The following PIK3R6 variants were observed in gnomAD, a reference collection of about 807,000 sequenced individuals.
The protein encoded by PIK3R6 is phosphoinositide-3-kinase regulatory subunit 6.
Under a neutral mutation model 84.9 loss-of-function variants are expected in PIK3R6, and 91 were observed. The observed-to-expected ratio is 1.07, with a 90% confidence interval of 0.90 to 1.28. The LOEUF is 1.28. Among genes scored for constraint, PIK3R6 ranks in the 50% most tolerant of loss-of-function variants. The pLI is 0.00. For synonymous variants in PIK3R6, 416 were observed against 411.4 expected, an observed-to-expected ratio of 1.01 and a Z score of -0.13; for missense variants, 996 against 985.1, an observed-to-expected ratio of 1.01 and a Z score of -0.15.
At chr17:8,864,606 C>G (rs906649119) in intron 1 of PIK3R6, among the ~76,000 whole-genome samples, 2 of 134,446 alleles carry the variant, frequency 1.5e-5, no homozygotes, top group South Asian at 4.8e-4. Flanking sequence ...GGCGCAATCT[C>G]GTCTCACTGC....
At chr17:8,829,124 T>C (rs2088068064) in intron 10 of PIK3R6, 134 bp from the exon 11 acceptor site, 5 of 851,444 alleles carry the variant, frequency 5.9e-6, no homozygotes, top group South Asian at 4.3e-5. Flanking sequence ...CATATGAACA[T>C]GCACAGAGAC....
At chr17:8,849,728 C>A in intron 2 of PIK3R6, 54 bp downstream of exon 2, 4 of 1,568,802 alleles carry the variant, frequency 2.5e-6, no homozygotes, top group Non-Finnish European at 2.6e-6. Flanking sequence ...ATGAGAAGGG[C>A]CTTCCCCACT....
Position 8,819,211 on chromosome 17 carries a change from G to A in PIK3R6, c.1880-13C>T. ...CTAGACCCTGAAACTGAATGAGATG[G>A]GTGGGGCTGTAAATGGACCTCCAGG... On this transcript the variant is annotated splice_polypyrimidine_tract_variant and intron_variant, in intron 17 of 19. Transcript: ENST00000619866. 1 of 1,575,384 alleles carries A rather than the reference G, an allele frequency of 6.3e-7. No homozygotes were observed. The highest frequency in any genetic ancestry group is 8.7e-7 in the Non-Finnish European group (1 of 1,153,040).
rs1485911648 is a variant in PIK3R6, at chr17:8,829,692, C to T, written c.889+14G>A. The T allele has an allele frequency of 1.3e-6, 2 of 1,550,446 alleles. No individual in the cohort carries two copies. The highest frequency in any genetic ancestry group is 1.7e-6 in the Non-Finnish European group (2 of 1,146,176). On this transcript the variant is annotated intron_variant, in intron 10 of 19. Coordinates refer to ENST00000619866, the MANE Select transcript of PIK3R6 (RefSeq NM_001010855.4). Reference sequence around the variant, plus strand: ...CATATACCACTGTTTCCAGACAGCTCCATGGGCACGTACAGAGCTGCTCCT... The same window carrying T: ...CATATACCACTGTTTCCAGACAGCTTCATGGGCACGTACAGAGCTGCTCCT...
chr17:8,846,983 A>G (rs765039307), intron 2 of PIK3R6, among the ~76,000 whole-genome samples: 2 of 152,134 alleles, frequency 1.3e-5, no homozygotes, highest in Non-Finnish European at 2.9e-5. Flanking sequence ...TTGAAGCCCA[A>G]ATTGGACTGT....
Position 8,828,671 on chromosome 17 carries a change from A to T in PIK3R6, c.1209T>A (p.Asp403Glu). Reference sequence around the variant, plus strand: ...GGGACACGCCGGGCAGCATTTCCCCATCCCCACTGGGCCGGCCTGTCCTCC... The same window carrying T: ...GGGACACGCCGGGCAGCATTTCCCCTTCCCCACTGGGCCGGCCTGTCCTCC... ...LHRRTGRPSG[D>E]GEMLPGVSRL... The change falls in exon 11 of 20, where the codon GAT becomes GAA. Residue 403 changes from aspartate to glutamate, a missense_variant. Coordinates refer to ENST00000619866, the MANE Select transcript of PIK3R6 (RefSeq NM_001010855.4). 2.5e-6 allele frequency: 4 copies of T among 1,612,576 alleles called. No individual in the cohort carries two copies. The highest frequency in any genetic ancestry group is 3.4e-6 in the Non-Finnish European group (4 of 1,179,450).
At chr17:8,855,236 A>ACAAC (rs2089102228) in intron 1 of PIK3R6, among the ~76,000 whole-genome samples, 3 of 150,564 alleles carry the variant, frequency 2.0e-5, no homozygotes, top group African/African-American at 2.5e-5. Flanking sequence ...AACAACAATA[A>ACAAC]AATAAAATAA....
chr17:8,855,523 C>T (rs2089114294), intron 1 of PIK3R6, among the ~76,000 whole-genome samples: 1 of 152,142 alleles, frequency 6.6e-6, no homozygotes, highest in African/African-American at 2.4e-5. Context: ...CACTATATGC[C>T]TATTAGAATG....
intron 2 of PIK3R6, among the ~76,000 whole-genome samples, chr17:8,848,552 A>T (rs1215466550): frequency 6.6e-6 from 1 of 152,218 alleles, no homozygotes; most frequent in Non-Finnish European, 1.5e-5. Flanking sequence ...ACACAATGGT[A>T]TCTGTGTGTC....
intron 8 of PIK3R6, among the ~76,000 whole-genome samples, chr17:8,834,662 C>T (rs2088391379): frequency 6.6e-6 from 1 of 151,550 alleles, no homozygotes. Flanking sequence ...CAAGTACCTG[C>T]AATTATAGGC....
rs1169475094 is a variant in PIK3R6 at position 8,828,715 on chromosome 17, C to T, written c.1165G>A (p.Gly389Arg). 2 of 1,609,658 alleles carry T rather than the reference C, an allele frequency of 1.2e-6. No individual in the cohort carries two copies. The highest frequency in any genetic ancestry group is 2.2e-5 in the South Asian group (2 of 90,440). The change falls in exon 11 of 20, where the codon GGG (glycine) becomes AGG (arginine). Residue 389 changes from glycine (G) to arginine (R), a missense_variant. Gly to Arg is a moderately radical substitution (Grantham distance 125). Coordinates refer to ENST00000619866, the MANE Select transcript of PIK3R6 (RefSeq NM_001010855.4). Reference protein sequence around the residue: ...LDFLMPGSWDGPPGLHRRTGR... With the variant: ...LDFLMPGSWDRPPGLHRRTGR... ...GTCCTCCGGTGCAGCCCTGGGGGCC[C>T]GTCCCAGCTGCCAGGCATCAAGAAG... is the stretch of plus-strand genomic sequence containing the variant.
At chr17:8,809,148 T>G (rs2087284748) in intron 18 of PIK3R6, among the ~76,000 whole-genome samples, 1 of 152,208 alleles carries the variant, frequency 6.6e-6, no homozygotes, top group Non-Finnish European at 1.5e-5. Flanking sequence ...GGGGTTCTAT[T>G]TTCAGTCTTC....
rs1260362536 is a variant in PIK3R6, at chr17:8,836,957, A to G, written c.259-34T>C. ...GAGGGAGGAGGGGGAGGTGAGAGGG[A>G]GGAGGTGGAGGTAAGAGGGAGGAGG... On this transcript the variant is annotated intron_variant, in intron 5 of 19. Coordinates refer to ENST00000619866, the MANE Select transcript of PIK3R6 (RefSeq NM_001010855.4). The G allele has an allele frequency of 3.2e-6, 3 of 927,320 alleles. No homozygotes were observed. In the African/African-American group the frequency reaches 6.4e-5, roughly 20 times the overall value. The allele number at this position is 927,320 out of a possible 1,614,324, so 57.4% of individuals were successfully genotyped here.
intron 17 of PIK3R6, among the ~76,000 whole-genome samples, chr17:8,821,568 G>A (rs1405770144): frequency 3.9e-5 from 6 of 152,182 alleles, no homozygotes; most frequent in Non-Finnish European, 8.8e-5. Flanking sequence ...TAGTCCTGCA[G>A]TCCCAATTCC....
chr17:8,839,636 G>C lies in PIK3R6; in HGVS notation c.75C>G (p.Ala25=). The change falls in exon 3 of 20, where the codon GCC becomes GCG. Residue 25 remains alanine (A), a synonymous_variant. Coordinates refer to ENST00000619866, the MANE Select transcript of PIK3R6 (RefSeq NM_001010855.4). This position sits in a 1 kb window ranked among gnomAD's most constrained non-coding sequence, Gnocchi z 4.2. ...QAVLRELSTQ[A]PALQSNQGMW... ...TACCTTGGTTGCTCTGCAGGGCAGG[G>C]GCCTGGGTGCTGAGCTCCCGGAGCA... is the stretch of plus-strand genomic sequence containing the variant. 6.3e-7 allele frequency: 1 copy of C among 1,576,452 alleles called. No homozygotes were observed. Among genetic ancestry groups the C allele is most frequent in the Non-Finnish European group, 8.6e-7 (1 of 1,160,802 alleles).
chr17:8,809,342 A>G (rs1028792518), intron 18 of PIK3R6, among the ~76,000 whole-genome samples: 1 of 152,244 alleles, frequency 6.6e-6, no homozygotes, highest in African/African-American at 2.4e-5. Context: ...CATTGTCATA[A>G]AAACACAAGA....
At position 8,844,048 on chromosome 17, in the gene PIK3R6, G is replaced by C. The variant is rs990373836; in HGVS notation, c.14-4351C>G. 6.6e-6 allele frequency among the ~76,000 whole-genome samples: 1 copy of C among 152,192 alleles called. No homozygotes were observed. The highest frequency in any genetic ancestry group is 1.9e-4 in the East Asian group (1 of 5,198). ...ACGCACAAGGGATATAGGGTTCCAG[G>C]GAATGAGGAAAATCAGACCGGCTGG... On this transcript the variant is annotated intron_variant, in intron 2 of 19. Transcript: ENST00000619866. This position sits in a 1 kb window ranked among gnomAD's most constrained non-coding sequence, Gnocchi z 4.5.
intron 10 of PIK3R6, 97 bp downstream of exon 10, chr17:8,829,609 C>A: frequency 3.2e-6 from 4 of 1,255,618 alleles, no homozygotes; most frequent in Non-Finnish European, 4.5e-6. Context: ...CATACACACA[C>A]TGACACACGC....
chr17:8,832,790 A>T (rs1228429734), intron 9 of PIK3R6, 99 bp downstream of exon 9: 7 of 1,561,394 alleles, frequency 4.5e-6, no homozygotes, highest in Middle Eastern at 1.7e-4. Context: ...AGGCACCCAG[A>T]CAGAGGCAGG....
Sources: allele counts gnomAD v4.1 joint callset (sites outside exome capture counted in the v4.1 genomes callset), GRCh38; gene constraint gnomAD v4.1.1; non-coding constraint Gnocchi (gnomAD v3.1); transcripts MANE v1.5; gene names NCBI Gene and HGNC (gene_info 2026-07-23, HGNC 2026-07-21).